Variants in SEMA6D observed in about 807,000 individuals in gnomAD.
SEMA6D encodes the protein semaphorin-6D.
Under a neutral mutation model 106.6 loss-of-function variants are expected in SEMA6D, and 35 were observed. The observed-to-expected ratio is 0.33, with a 90% CI of 0.25 to 0.44. The LOEUF (loss-of-function observed/expected upper bound fraction) is 0.44, where lower values mean the gene tolerates loss of function less well. Ranked by LOEUF, SEMA6D falls within the 20% of genes least tolerant of loss-of-function variation. SEMA6D has a pLI of 1.00. For synonymous variants in SEMA6D, 499 were observed against 487.7 expected (o/e 1.02, Z -0.31); for missense variants, 1,185 against 1,345.9 (o/e 0.88, Z 1.87).
intron 1 of SEMA6D, among the ~76,000 whole-genome samples, chr15:47,377,173 G>A (rs1356892037): frequency 1.3e-5 from 2 of 152,140 alleles, no homozygotes; most frequent in Non-Finnish European, 2.9e-5. Context: ...TAAAATCTAT[G>A]CAGGATGATA....
intron 4 of SEMA6D, among the ~76,000 whole-genome samples, chr15:47,621,333 A>G (rs1185729776): frequency 3.9e-5 from 6 of 152,094 alleles, no homozygotes; most frequent in African/African-American, 1.2e-4. Flanking sequence ...AGAAATAGAA[A>G]CGTAGGAGTT....
At chr15:47,394,584 C>T (rs1286423967) in intron 1 of SEMA6D, among the ~76,000 whole-genome samples, 1 of 152,178 alleles carries the variant, frequency 6.6e-6, no homozygotes. Context: ...GCTTTCAGTT[C>T]TTGCTGACAT....
intron 1 of SEMA6D, among the ~76,000 whole-genome samples, chr15:47,737,072 G>A (rs1218568829): frequency 6.6e-6 from 1 of 152,068 alleles, no homozygotes; most frequent in Non-Finnish European, 1.5e-5. Context: ...GAAAAAGTAG[G>A]AGGTAGGAAG....
chr15:47,618,814 C>A (rs147842176), intron 4 of SEMA6D, among the ~76,000 whole-genome samples: 351 of 152,300 alleles, frequency 2.3e-3, no homozygotes, highest in African/African-American at 8.3e-3. Context: ...ATATCAGATT[C>A]TTCATCTATA....
chr15:47,487,469 T>C (rs1395528813), intron 3 of SEMA6D, among the ~76,000 whole-genome samples: 1 of 152,240 alleles, frequency 6.6e-6, no homozygotes, highest in Admixed American at 6.5e-5. Flanking sequence ...GATATGTGTG[T>C]CTACATGTAT....
At chr15:47,609,983 T>G (rs1235322912) in intron 4 of SEMA6D, among the ~76,000 whole-genome samples, 1 of 152,200 alleles carries the variant, frequency 6.6e-6, no homozygotes, top group Non-Finnish European at 1.5e-5. Flanking sequence ...TCCTGCTCGA[T>G]CCAGCCTGGT....
chr15:47,445,423 G>T (rs2042000885), intron 2 of SEMA6D, among the ~76,000 whole-genome samples: 1 of 151,984 alleles, frequency 6.6e-6, no homozygotes, highest in African/African-American at 2.4e-5. Context: ...AAATAGGGAA[G>T]AGAGAAAATA....
At chr15:47,192,748 AT>A (rs1894052199) in intron 1 of SEMA6D, among the ~76,000 whole-genome samples, 1 of 152,234 alleles carries the variant, frequency 6.6e-6, no homozygotes, top group Non-Finnish European at 1.5e-5. Flanking sequence ...TGAAATGGAA[AT>A]TGTTCTGTGT....
rs140557975 is a variant in SEMA6D at position 47,555,244 on chromosome 15, T to C, written c.-86-45621T>C. ...CCTTTCAAGAATGTCCTAATGCTGC[T>C]CTCTCCCAACCCCAGAAACCTCTGT... On this transcript the variant is annotated intron_variant, in intron 3 of 19. Transcript: ENST00000558014. Among the ~76,000 whole-genome samples, 26 of 152,134 alleles carry C rather than the reference T, an allele frequency of 1.7e-4. 1 individual carries two copies. Among genetic ancestry groups the C allele is most frequent in the African/African-American group, 6.3e-4 (26 of 41,514 alleles).
At chr15:47,358,942 G>T (rs941827040) in intron 1 of SEMA6D, among the ~76,000 whole-genome samples, 2 of 152,176 alleles carry the variant, frequency 1.3e-5, no homozygotes, top group African/African-American at 4.8e-5. Flanking sequence ...CTTCCAGGGA[G>T]TCACAGAACA....
intron 1 of SEMA6D, among the ~76,000 whole-genome samples, chr15:47,351,406 T>C (rs552158699): frequency 7.2e-5 from 11 of 152,178 alleles, no homozygotes; most frequent in Non-Finnish European, 1.5e-4. Context: ...ATTTTAACAA[T>C]AGTGATGATA....
At chr15:47,279,727 T>C (rs2035018075) in intron 1 of SEMA6D, among the ~76,000 whole-genome samples, 1 of 152,154 alleles carries the variant, frequency 6.6e-6, no homozygotes, top group Admixed American at 6.5e-5. Flanking sequence ...TTGAGAGTTT[T>C]TAGCATGAAG....
chr15:47,475,889 C>T (rs2141236211), intron 3 of SEMA6D, among the ~76,000 whole-genome samples: 1 of 152,284 alleles, frequency 6.6e-6, no homozygotes, highest in East Asian at 1.9e-4. Flanking sequence ...TATTAAACAG[C>T]CCTGGCTAAA....
chr15:47,254,875 TTGTG>T (rs58271041), intron 1 of SEMA6D, among the ~76,000 whole-genome samples: 1,908 of 134,382 alleles, frequency 0.014, 30 homozygotes, highest in Admixed American at 0.015. Flanking sequence ...ACCTGTGGTT[TTGTG>T]TGTGTGTGTG....
chr15:47,605,530 C>T (rs2076761101), intron 4 of SEMA6D, among the ~76,000 whole-genome samples: 1 of 149,402 alleles, frequency 6.7e-6, no homozygotes, highest in African/African-American at 2.5e-5. Context: ...TCCCACAAGA[C>T]TGCCCCTACT....
intron 11 of SEMA6D, 149 bp downstream of exon 11, chr15:47,764,454 T>C: frequency 8.0e-7 from 1 of 1,247,150 alleles, no homozygotes; most frequent in Non-Finnish European, 1.1e-6. Flanking sequence ...CCTTGTGACC[T>C]GCAAGCCCAT....
intron 1 of SEMA6D, among the ~76,000 whole-genome samples, chr15:47,242,704 T>C (rs1377252974): frequency 6.6e-6 from 1 of 152,204 alleles, no homozygotes; most frequent in Non-Finnish European, 1.5e-5. Flanking sequence ...ATATGCAGGA[T>C]TGGAAATATA....
At chr15:47,190,597 AATG>A (rs1566915301) in intron 1 of SEMA6D, among the ~76,000 whole-genome samples, 1 of 152,230 alleles carries the variant, frequency 6.6e-6, no homozygotes, top group Non-Finnish European at 1.5e-5. Flanking sequence ...CCAAATAAAA[AATG>A]AAGAAGTAAG....
At chr15:47,412,431 A>G (rs1270289091) in exon 2 of SEMA6D, 1 of 152,634 alleles carries the variant, frequency 6.6e-6, no homozygotes, top group Non-Finnish European at 1.5e-5. Context: ...ACATGGGAAC[A>G]CTGAGGCCAG....
Sources: allele counts gnomAD v4.1 joint callset (sites outside exome capture counted in the v4.1 genomes callset), GRCh38; gene constraint gnomAD v4.1.1; transcripts MANE v1.5; gene names NCBI Gene and HGNC (gene_info 2026-07-23, HGNC 2026-07-21).